The following AK4 variants were observed in gnomAD, a reference collection of about 807,000 sequenced individuals.
AK4 encodes the protein adenylate kinase 4, mitochondrial.
A neutral mutation model predicts 24.6 loss-of-function variants in AK4; 13 were observed. The ratio of observed to expected loss-of-function variants is 0.53; its 90% CI spans 0.34 to 0.84. The LOEUF is 0.84. Among genes scored for constraint, AK4 ranks in the 40% least tolerant of loss-of-function variants. The pLI is 0.01. For missense variants in AK4, 192 were observed against 288.2 expected, an observed-to-expected ratio of 0.67 and a Z score of 2.42; for synonymous variants, 88 against 107.0, an observed-to-expected ratio of 0.82 and a Z score of 1.10.
rs796148672 is a variant in AK4 at position 65,189,680 on chromosome 1, C to CCA, written c.146-1025_146-1024dup. Among the ~76,000 whole-genome samples, 921 of 151,952 alleles carry CCA rather than the reference C, an allele frequency of 6.1e-3. 13 individuals are homozygous for CCA. Among genetic ancestry groups the CCA allele is most frequent in the African/African-American group, 0.02 (831 of 41,394 alleles). ...GCACACACACACACACACACACACCCCACACATTTAGTTCTTAGAAATGTA... is the reference window on the plus strand; with the variant it reads ...GCACACACACACACACACACACACCCCACACACATTTAGTTCTTAGAAATGTA... On this transcript the variant is annotated intron_variant, in intron 1 of 4. Coordinates refer to ENST00000327299, the MANE Select transcript of AK4 (RefSeq NM_013410.4).
intron 1 of AK4, among the ~76,000 whole-genome samples, chr1:65,155,144 C>G (rs1281730926): frequency 6.6e-6 from 1 of 152,024 alleles, no homozygotes; most frequent in African/African-American, 2.4e-5. Context: ...GCCACCACAC[C>G]CGGCCGACAT....
intron 1 of AK4, among the ~76,000 whole-genome samples, chr1:65,186,119 T>G (rs1183380301): frequency 4.6e-5 from 7 of 152,176 alleles, no homozygotes. Flanking sequence ...ATTTTTTAAA[T>G]TTTTAAATTT....
chr1:65,150,516 T>C (rs1052054125), intron 1 of AK4, among the ~76,000 whole-genome samples: 1 of 152,180 alleles, frequency 6.6e-6, no homozygotes, highest in African/African-American at 2.4e-5. Context: ...AAGTGGCTTG[T>C]TTCTAGTGAA....
chr1:65,148,621 G>C, intron 1 of AK4, 69 bp downstream of exon 1: 1 of 1,456,230 alleles, frequency 6.9e-7, no homozygotes, highest in Non-Finnish European at 9.1e-7. Context: ...TGGAGGGACT[G>C]GGGCTCCCGG....
Position 65,190,698 on chromosome 1 carries a change from T to G in AK4, c.146-12T>G. 6.2e-7 allele frequency: 1 copy of G among 1,603,412 alleles called. No homozygotes were observed. On this transcript the variant is annotated splice_polypyrimidine_tract_variant and intron_variant, in intron 1 of 4. Transcript: ENST00000327299. ...TTCTTGAATACCTCTTTTTTTCTTG[T>G]CTTTTTAATAGAAGTTGGTGAGATG... is the stretch of plus-strand genomic sequence containing the variant.
At chr1:65,187,434 TGAG>T (rs1181933222) in intron 1 of AK4, among the ~76,000 whole-genome samples, 5 of 150,648 alleles carry the variant, frequency 3.3e-5, no homozygotes, top group Admixed American at 6.6e-5. Context: ...GAGAGGGAGA[TGAG>T]AAGAAGGAGT....
intron 2 of AK4, among the ~76,000 whole-genome samples, chr1:65,206,585 G>A (rs931485525): frequency 3.9e-5 from 6 of 152,206 alleles, no homozygotes; most frequent in Non-Finnish European, 5.9e-5. Flanking sequence ...GTGTGTGCAC[G>A]TGCGTGCGCA....
intron 1 of AK4, among the ~76,000 whole-genome samples, chr1:65,150,653 T>C (rs992442120): frequency 2.6e-5 from 4 of 152,210 alleles, no homozygotes; most frequent in African/African-American, 9.7e-5. Flanking sequence ...TGTTTGCTTT[T>C]AGCTGATTTC....
intron 2 of AK4, among the ~76,000 whole-genome samples, chr1:65,197,754 G>A (rs1017142681): frequency 2.0e-5 from 3 of 152,102 alleles, no homozygotes; most frequent in South Asian, 2.1e-4. Context: ...TTGATTTTGC[G>A]AATGTGTTTT....
Position 65,218,831 on chromosome 1 carries a change from C to T in AK4, c.343C>T (p.Pro115Ser), listed in dbSNP as rs1437840917. ...EVDLVISLNIPFETLKDRLSR... is the reference protein window; with the variant it reads ...EVDLVISLNISFETLKDRLSR... ...GGATCTAGTGATCAGTTTGAATATT[C>T]CATTTGAAACACTTAAAGATCGTCT... Residue 115 changes from proline to serine, a missense_variant, in exon 3 of 5, where the codon CCA becomes TCA. Pro to Ser is a moderately conservative substitution (Grantham distance 74). Transcript: ENST00000327299. 1 of 1,606,932 alleles carries T rather than the reference C, an allele frequency of 6.2e-7. No homozygotes were observed. Among genetic ancestry groups the T allele is most frequent in the African/African-American group, 1.3e-5 (1 of 74,474 alleles).
chr1:65,189,652 C>T (rs554030304), intron 1 of AK4, among the ~76,000 whole-genome samples: 3 of 134,432 alleles, frequency 2.2e-5, no homozygotes, highest in South Asian at 2.3e-4. Context: ...AACACATACG[C>T]GTGCACACAC....
chr1:65,211,623 G>T (rs1651974785), intron 2 of AK4, among the ~76,000 whole-genome samples: 1 of 152,124 alleles, frequency 6.6e-6, no homozygotes, highest in South Asian at 2.1e-4. Context: ...TTTAAAATGG[G>T]GATAAGGCCT....
At chr1:65,221,825 T>A (rs976023243) in intron 3 of AK4, among the ~76,000 whole-genome samples, 8 of 152,258 alleles carry the variant, frequency 5.3e-5, no homozygotes, top group African/African-American at 1.9e-4. Flanking sequence ...ATTACCATGC[T>A]GCTTTTGAAG....
At chr1:65,215,045 G>A (rs182925460) in intron 2 of AK4, among the ~76,000 whole-genome samples, 146 of 152,220 alleles carry the variant, frequency 9.6e-4, no homozygotes, top group Non-Finnish European at 1.9e-3. Flanking sequence ...GTCATGAATC[G>A]GGGTAAATAT....
At chr1:65,160,224 C>A (rs943400331) in intron 1 of AK4, among the ~76,000 whole-genome samples, 1 of 152,040 alleles carries the variant, frequency 6.6e-6, no homozygotes, top group African/African-American at 2.4e-5. Flanking sequence ...AACAAAATAC[C>A]TGAGATCAAG....
intron 2 of AK4, among the ~76,000 whole-genome samples, chr1:65,206,412 A>G (rs1173720653): frequency 1.3e-5 from 2 of 152,218 alleles, no homozygotes; most frequent in Non-Finnish European, 2.9e-5. Context: ...ATACAGTGGG[A>G]CCGGTTTTCC....
At chr1:65,206,491 A>G (rs957892366) in intron 2 of AK4, among the ~76,000 whole-genome samples, 1 of 152,256 alleles carries the variant, frequency 6.6e-6, no homozygotes, top group Non-Finnish European at 1.5e-5. Context: ...GCTTGTGCCT[A>G]TAATCCCAGC....
chr1:65,214,318 C>T (rs1425044144), intron 2 of AK4, among the ~76,000 whole-genome samples: 3 of 152,100 alleles, frequency 2.0e-5, no homozygotes, highest in Admixed American at 1.3e-4. Context: ...GCCATGTTGG[C>T]CAGGCTGGTC....
chr1:65,190,873 GTTAAGGTCTTGCACACTCCC>G, intron 2 of AK4, 44 bp downstream of exon 2: 1 of 1,608,508 alleles, frequency 6.2e-7, no homozygotes, highest in Non-Finnish European at 8.5e-7. Context: ...GGAATAGTCA[GTTAAGGTCTTGCACACTCCC>G]TTAACTTCTT....
Sources: gnomAD v4.1 joint callset for allele counts (sites outside exome capture counted in the v4.1 genomes callset) on GRCh38, gnomAD v4.1.1 for gene constraint, MANE v1.5 for transcripts, NCBI Gene and HGNC (gene_info 2026-07-23, HGNC 2026-07-21) for gene names.